Variants in CTNNA2 observed in about 807,000 individuals in gnomAD.
CTNNA2 encodes catenin alpha-2.
A neutral mutation model predicts 101.0 loss-of-function variants in CTNNA2; 42 were observed. The ratio of observed to expected loss-of-function variants is 0.42; its 90% CI spans 0.32 to 0.54. The LOEUF is 0.54. CTNNA2 is among the 20% of genes least tolerant of loss of function. The pLI, the probability that CTNNA2 is intolerant of heterozygous loss-of-function variation, is 0.14. For synonymous variants in CTNNA2, 450 were observed against 456.4 expected, an observed-to-expected ratio of 0.99 and a Z score of 0.18; for missense variants, 871 against 1,223.1, an observed-to-expected ratio of 0.71 and a Z score of 4.29.
chr2:80,442,688 A>C, intron 9 of CTNNA2, among the ~76,000 whole-genome samples: 1 of 152,166 alleles, frequency 6.6e-6, no homozygotes, highest in Non-Finnish European at 1.5e-5. Flanking sequence ...TGGAGATACT[A>C]ATACCTTCCC....
intron 7 of CTNNA2, among the ~76,000 whole-genome samples, chr2:80,271,199 C>A (rs938853498): frequency 1.3e-5 from 2 of 152,060 alleles, no homozygotes; most frequent in African/African-American, 4.8e-5. Context: ...CTGTCTTTAT[C>A]CCCCCCTTGG....
At position 79,781,765 on chromosome 2, in the gene CTNNA2, G is replaced by A. The variant is rs182433357; in HGVS notation, c.298+37183G>A. 2.1e-4 allele frequency among the ~76,000 whole-genome samples: 32 copies of A among 152,204 alleles called. 1 individual carries two copies. The East Asian group carries it at 4.3e-3, about 20-fold the overall frequency. ...GTAAAACTGATGATAATTTATATCT[G>A]TGTGTGTGTAAAATAACAATTCTGA... On this transcript the variant is annotated intron_variant, in intron 3 of 18. Transcript: ENST00000402739.
intron 13 of CTNNA2, among the ~76,000 whole-genome samples, chr2:80,578,358 T>C (rs1005379365): frequency 3.3e-5 from 5 of 152,180 alleles, no homozygotes; most frequent in African/African-American, 1.2e-4. Flanking sequence ...AGCGAACTGT[T>C]TATTTTATTT....
intron 3 of CTNNA2, among the ~76,000 whole-genome samples, chr2:79,335,285 G>A (rs1676969715): frequency 6.6e-6 from 1 of 152,072 alleles, no homozygotes; most frequent in African/African-American, 2.4e-5. Flanking sequence ...TAGCAGAACT[G>A]GAAAGAACCA....
intron 7 of CTNNA2, among the ~76,000 whole-genome samples, chr2:79,924,059 A>C (rs534231918): frequency 2.5e-4 from 38 of 152,274 alleles, no homozygotes; most frequent in African/African-American, 9.1e-4. Flanking sequence ...ATGTGGAAGC[A>C]ACCCAAGTGT....
rs186956700 is a variant in CTNNA2 at position 80,399,903 on chromosome 2, A to T, written c.1137+6612A>T. On this transcript the variant is annotated intron_variant, in intron 8 of 18. Transcript: ENST00000402739. Reference sequence around the variant, plus strand: ...TGACTGAAATAACAAAGATTGTTTCATAGAATGCCCTTTCAGTTTACCAGA... The same window carrying T: ...TGACTGAAATAACAAAGATTGTTTCTTAGAATGCCCTTTCAGTTTACCAGA... 2.3e-3 allele frequency among the ~76,000 whole-genome samples: 349 copies of T among 152,346 alleles called. 1 individual carries two copies. Among genetic ancestry groups the T allele is most frequent in the Middle Eastern group, 0.01 (3 of 294 alleles).
chr2:80,504,306 T>C (rs967082410), intron 9 of CTNNA2, among the ~76,000 whole-genome samples: 1 of 152,206 alleles, frequency 6.6e-6, no homozygotes, highest in Non-Finnish European at 1.5e-5. Context: ...TTCTCTCCAC[T>C]GTAGAGCGAG....
intron 2 of CTNNA2, among the ~76,000 whole-genome samples, chr2:79,218,962 C>T (rs1374104937): frequency 6.6e-6 from 1 of 152,142 alleles, no homozygotes; most frequent in Middle Eastern, 3.2e-3. Context: ...TTTTACCACT[C>T]ATAGTTAATC....
chr2:79,600,616 A>G (rs762160599), intron 1 of CTNNA2, among the ~76,000 whole-genome samples: 1 of 152,058 alleles, frequency 6.6e-6, no homozygotes, highest in Non-Finnish European at 1.5e-5. Flanking sequence ...AATATAAATA[A>G]CAATGAAATA....
intron 15 of CTNNA2, among the ~76,000 whole-genome samples, chr2:80,597,637 C>A (rs1179849330): frequency 6.6e-6 from 1 of 151,954 alleles, no homozygotes; most frequent in South Asian, 2.1e-4. Flanking sequence ...AGAAAAAAAA[C>A]ACCACCTTCA....
In CTNNA2 at chr2:80,333,654, G is replaced by A. The variant is rs187299159; in HGVS notation, c.1057-59557G>A. 1.6e-4 allele frequency among the ~76,000 whole-genome samples: 24 copies of A among 152,174 alleles called. No individual in the cohort carries two copies. The East Asian group carries it at 4.5e-3, about 28-fold the overall frequency. On this transcript the variant is annotated intron_variant, in intron 7 of 18. Coordinates refer to ENST00000402739, the MANE Select transcript of CTNNA2 (RefSeq NM_001282597.3). ...TTTTTCTGGGGGAGGTGGTGGGGGGGATGGAGTCTTGCTGTGTCCCACAGG... is the reference window on the plus strand; with the variant it reads ...TTTTTCTGGGGGAGGTGGTGGGGGGAATGGAGTCTTGCTGTGTCCCACAGG...
intron 7 of CTNNA2, among the ~76,000 whole-genome samples, chr2:80,054,701 G>A (rs1697107394): frequency 6.6e-6 from 1 of 152,106 alleles, no homozygotes; most frequent in Non-Finnish European, 1.5e-5. Context: ...GGAGAAAAGG[G>A]ACTTTGCAAA....
At chr2:80,547,051 A>T (rs1042393415) in intron 11 of CTNNA2, among the ~76,000 whole-genome samples, 6 of 152,172 alleles carry the variant, frequency 3.9e-5, no homozygotes, top group Non-Finnish European at 7.3e-5. Context: ...GGCAGACAGG[A>T]CCTCTGACTG....
At chr2:79,506,876 T>C (rs1165079178) in intron 5 of CTNNA2, among the ~76,000 whole-genome samples, 1 of 152,196 alleles carries the variant, frequency 6.6e-6, no homozygotes, top group South Asian at 2.1e-4. Context: ...ACAGGAGTTA[T>C]GTGACTAGTT....
chr2:80,043,093 T>TTCTC (rs201701924), intron 7 of CTNNA2, among the ~76,000 whole-genome samples: 1 of 32,708 alleles, frequency 3.1e-5, no homozygotes, highest in Non-Finnish European at 5.9e-5. Flanking sequence ...CTTTCTTTCT[T>TTCTC]TCTCTCTCTC....
intron 7 of CTNNA2, among the ~76,000 whole-genome samples, chr2:80,187,217 A>G (rs1706184753): frequency 6.6e-6 from 1 of 152,206 alleles, no homozygotes; most frequent in South Asian, 2.1e-4. Context: ...CTGGCAGCAA[A>G]CAGTATGCCT....
intron 1 of CTNNA2, among the ~76,000 whole-genome samples, chr2:79,616,077 A>G (rs1678597100): frequency 6.6e-6 from 1 of 152,174 alleles, no homozygotes. Flanking sequence ...AAGTTGCAGG[A>G]GAGATCTTAT....
chr2:79,340,669 T>TA (rs1182706823), intron 3 of CTNNA2, among the ~76,000 whole-genome samples: 1 of 151,682 alleles, frequency 6.6e-6, no homozygotes, highest in Non-Finnish European at 1.5e-5. Context: ...CTGTCTCTAC[T>TA]AAAAATACAA....
At position 79,659,182 on chromosome 2, in the gene CTNNA2, G is replaced by T. The variant is rs1336529745; in HGVS notation, c.102+7524G>T. On this transcript the variant is annotated intron_variant, in intron 2 of 18. Transcript: ENST00000402739. ...TCCAGAAATAAATGAACACTTAGAA[G>T]CAAAGTAACTTCTGAGAGTTGATCC... Among the ~76,000 whole-genome samples the T allele has an allele frequency of 2.7e-5, 4 of 148,166 alleles. No individual in the cohort carries two copies. The East Asian group carries it at 8.0e-4, about 29-fold the overall frequency.
Sources: gnomAD v4.1 joint callset for allele counts (sites outside exome capture counted in the v4.1 genomes callset) on GRCh38, gnomAD v4.1.1 for gene constraint, MANE v1.5 for transcripts, NCBI Gene and HGNC (gene_info 2026-07-23, HGNC 2026-07-21) for gene names.